NAV3: variants seen among roughly 807,000 people sequenced by gnomAD.
NAV3 encodes the protein pore membrane and/or filament interacting like protein 1.
NAV3 carries 87 observed loss-of-function variants against 244.7 expected under a neutral mutation model. The observed-to-expected ratio is 0.36, with a 90% CI of 0.30 to 0.42. The LOEUF is 0.42. NAV3 is among the 20% of genes least tolerant of loss of function. NAV3 has a pLI of 1.00. For missense variants in NAV3, 2,663 were observed against 2,893.3 expected (o/e 0.92, Z 1.83); for synonymous variants, 1,126 against 1,042.2 (o/e 1.08, Z -1.55).
chr12:77,801,141 G>A (rs1871684059), intron 2 of NAV3, among the ~76,000 whole-genome samples: 1 of 152,100 alleles, frequency 6.6e-6, no homozygotes. Flanking sequence ...ATATGATAAT[G>A]ATAAGCTGTA....
intron 5 of NAV3, among the ~76,000 whole-genome samples, chr12:77,986,151 C>T (rs1870469790): frequency 6.6e-6 from 1 of 152,162 alleles, no homozygotes; most frequent in African/African-American, 2.4e-5. Context: ...CACTTGAGGT[C>T]AGGAGTTTGA....
chr12:77,578,094 G>A (rs1869177594), intron 2 of NAV3, among the ~76,000 whole-genome samples: 1 of 152,154 alleles, frequency 6.6e-6, no homozygotes, highest in African/African-American at 2.4e-5. Context: ...AAAAGTGGTA[G>A]ACATAAGGAA....
intron 2 of NAV3, among the ~76,000 whole-genome samples, chr12:77,809,939 A>G (rs1335400555): frequency 6.6e-6 from 1 of 152,240 alleles, no homozygotes; most frequent in Non-Finnish European, 1.5e-5. Flanking sequence ...CAGTACAGAA[A>G]AAAATTGAAT....
At chr12:77,712,044 C>T (rs1876143044) in intron 2 of NAV3, among the ~76,000 whole-genome samples, 1 of 152,070 alleles carries the variant, frequency 6.6e-6, no homozygotes, top group African/African-American at 2.4e-5. Flanking sequence ...CCTTTAAACC[C>T]CAGGTCATTT....
chr12:77,693,913 A>G (rs911519441), intron 2 of NAV3, among the ~76,000 whole-genome samples: 2 of 152,070 alleles, frequency 1.3e-5, no homozygotes, highest in African/African-American at 4.8e-5. Flanking sequence ...TTTAATCCCA[A>G]CTGACACAAT....
chr12:77,828,613 G>A (rs1873263879), upstream of NAV3, among the ~76,000 whole-genome samples: 1 of 152,042 alleles, frequency 6.6e-6, no homozygotes, highest in Non-Finnish European at 1.5e-5. Context: ...GTTCTTTTAA[G>A]ATAAATTGAG....
At position 77,777,953 on chromosome 12, in the gene NAV3, G is replaced by A. The variant is rs537792381; in HGVS notation, c.73-162366G>A. Among the ~76,000 whole-genome samples, 20 of 151,880 alleles carry A rather than the reference G, an allele frequency of 1.3e-4. No individual in the cohort carries two copies. In the South Asian group the frequency reaches 3.5e-3, roughly 27 times the overall value. On this transcript the variant is annotated intron_variant, in intron 2 of 8. Transcript: ENST00000550042. ...CCCAAGTAACTGGGACTACAGGTAC[G>A]CACCACAATAATGGGCTAATTTTTT...
rs10466948 is a variant in NAV3 at position 77,886,550 on chromosome 12, T to C, written c.244-53769T>C. 5.8e-3 allele frequency among the ~76,000 whole-genome samples: 883 copies of C among 152,276 alleles called. 11 individuals are homozygous for C. The highest frequency in any genetic ancestry group is 0.02 in the African/African-American group (820 of 41,568). ...CTTGAATGTCACTTAAGCATTTTGT[T>C]GTTTCCACCCCTGGACAACTCATTG... On this transcript the variant is annotated intron_variant, in intron 1 of 39. Coordinates refer to ENST00000397909, the MANE Select transcript of NAV3 (RefSeq NM_001024383.2).
Position 77,851,929 on chromosome 12 carries a change from G to A in NAV3, c.243+20225G>A, listed in dbSNP as rs140373171. Reference sequence around the variant, plus strand: ...TCATTTAGTCTTCGTGTGTACTACCGTTATCTTCACTTTTTAGATAAGGAG... The same window carrying A: ...TCATTTAGTCTTCGTGTGTACTACCATTATCTTCACTTTTTAGATAAGGAG... On this transcript the variant is annotated intron_variant, in intron 1 of 39. Transcript: ENST00000397909. Among the ~76,000 whole-genome samples, 523 of 152,200 alleles carry A rather than the reference G, an allele frequency of 3.4e-3. 2 individuals are homozygous for A. The highest frequency in any genetic ancestry group is 0.012 in the African/African-American group (490 of 41,520).
In NAV3 at chr12:78,047,226, G is replaced by A. The variant is rs146361767; in HGVS notation, c.2024-2767G>A. Among the ~76,000 whole-genome samples the A allele has an allele frequency of 3.3e-3, 509 of 152,216 alleles. 4 individuals carry two copies. The highest frequency in any genetic ancestry group is 0.012 in the African/African-American group (489 of 41,558). On this transcript the variant is annotated intron_variant, in intron 9 of 39. Transcript: ENST00000397909. ...GTTGAGGCCAGGTGCGGTGGCTCAC[G>A]CTTGTAATCCCAGCACTTTGAGAGG...
At chr12:77,753,783 C>A (rs937561427) in intron 2 of NAV3, among the ~76,000 whole-genome samples, 4 of 152,052 alleles carry the variant, frequency 2.6e-5, no homozygotes, top group African/African-American at 7.2e-5. Context: ...AAGAAAAATT[C>A]CTGTCTAATG....
At chr12:78,147,431 C>G (rs1409076817) in intron 21 of NAV3, among the ~76,000 whole-genome samples, 3 of 151,806 alleles carry the variant, frequency 2.0e-5, no homozygotes, top group Non-Finnish European at 1.5e-5. Flanking sequence ...TTTACAGTTT[C>G]CTGGATTATA....
At chr12:77,685,514 C>T (rs1312917192) in intron 2 of NAV3, among the ~76,000 whole-genome samples, 2 of 137,602 alleles carry the variant, frequency 1.5e-5, no homozygotes, top group East Asian at 3.9e-4. Context: ...CACATACCCA[C>T]ACGCACACCA....
intron 28 of NAV3, 51 bp downstream of exon 28, chr12:78,177,736 A>G (rs1958302547): frequency 6.6e-7 from 1 of 1,525,154 alleles, no homozygotes; most frequent in South Asian, 1.1e-5. Context: ...GTTCTAACCT[A>G]AGTAGTGTTT....
intron 2 of NAV3, among the ~76,000 whole-genome samples, chr12:77,809,261 C>T (rs1872161089): frequency 6.6e-6 from 1 of 152,218 alleles, no homozygotes; most frequent in Non-Finnish European, 1.5e-5. Context: ...GCCCAAACAG[C>T]CACCCAGTTT....
chr12:77,791,739 A>G (rs1053342820), intron 2 of NAV3, among the ~76,000 whole-genome samples: 3 of 152,274 alleles, frequency 2.0e-5, no homozygotes, highest in African/African-American at 7.2e-5. Flanking sequence ...ACAATCATGG[A>G]TAAAAATATA....
intron 3 of NAV3, among the ~76,000 whole-genome samples, chr12:77,946,251 G>T (rs1280373238): frequency 1.8e-5 from 2 of 112,176 alleles, no homozygotes; most frequent in African/African-American, 5.7e-5. Context: ...GTGTGTGTGT[G>T]TGTGTGTGCG....
intron 1 of NAV3, among the ~76,000 whole-genome samples, chr12:77,863,926 A>G (rs189684965): frequency 2.6e-5 from 4 of 152,040 alleles, no homozygotes; most frequent in Admixed American, 6.6e-5. Context: ...TGAGGGAGTC[A>G]TACAGGGCAA....
Position 78,161,293 on chromosome 12 carries a change from A to G in NAV3, c.4869+2007A>G, listed in dbSNP as rs1022498976. 1.2e-4 allele frequency among the ~76,000 whole-genome samples: 19 copies of G among 152,224 alleles called. 1 individual carries two copies. The highest frequency in any genetic ancestry group is 4.6e-4 in the African/African-American group (19 of 41,566). On this transcript the variant is annotated intron_variant, in intron 23 of 39. Coordinates refer to ENST00000397909, the MANE Select transcript of NAV3 (RefSeq NM_001024383.2). ...CTACCAAAAAATATTACCTTCCTTT[A>G]CATTTCTCTTTTTCCCTTGAAAATT...
Sources: allele counts gnomAD v4.1 joint callset (sites outside exome capture counted in the v4.1 genomes callset), GRCh38; gene constraint gnomAD v4.1.1; transcripts MANE v1.5; gene names NCBI Gene and HGNC (gene_info 2026-07-23, HGNC 2026-07-21).